The following RPS6KC1 variants were observed in gnomAD, a reference collection of about 807,000 sequenced individuals.
RPS6KC1 encodes ribosomal protein S6 kinase C1.
Under a neutral mutation model 103.8 loss-of-function variants are expected in RPS6KC1, and 54 were observed. That is an observed-to-expected ratio of 0.52 (90% CI 0.42 to 0.65). The LOEUF (loss-of-function observed/expected upper bound fraction) is 0.65. RPS6KC1 is among the 30% of genes least tolerant of loss of function. The pLI is 0.00. For missense variants in RPS6KC1, 1,151 were observed against 1,253.8 expected, an observed-to-expected ratio of 0.92 and a Z score of 1.24; for synonymous variants, 439 against 438.7, an observed-to-expected ratio of 1.00 and a Z score of -0.01.
the RPS6KC1 span, among the ~76,000 whole-genome samples, chr1:213,823,988 T>A: frequency 6.6e-6 from 1 of 152,274 alleles, no homozygotes; most frequent in South Asian, 2.1e-4. Context: ...GGGCAAATAT[T>A]TCTGAGGTTT....
chr1:213,182,350 G>T (rs1424382136), intron 8 of RPS6KC1, among the ~76,000 whole-genome samples: 3 of 152,012 alleles, frequency 2.0e-5, no homozygotes. Context: ...AAATTAACCA[G>T]CATGGTGGTG....
chr1:213,141,823 CT>C (rs796096838), intron 6 of RPS6KC1, among the ~76,000 whole-genome samples: 36 of 144,978 alleles, frequency 2.5e-4, no homozygotes, highest in African/African-American at 3.0e-4. Flanking sequence ...TATGTCGTAT[CT>C]TTTTTTTTTT....
At chr1:213,708,741 T>C in the RPS6KC1 span, among the ~76,000 whole-genome samples, 15 of 152,228 alleles carry the variant, frequency 9.9e-5, no homozygotes, top group Non-Finnish European at 2.1e-4. Context: ...ACCTAGTTTA[T>C]TGAGTATTTT....
At chr1:213,369,375 T>G in the RPS6KC1 span, among the ~76,000 whole-genome samples, 2 of 152,230 alleles carry the variant, frequency 1.3e-5, no homozygotes, top group Admixed American at 6.5e-5. Context: ...GAGTAGGAGA[T>G]GGACACAAGA....
chr1:213,517,025 A>G, the RPS6KC1 span, among the ~76,000 whole-genome samples: 3 of 152,140 alleles, frequency 2.0e-5, no homozygotes, highest in African/African-American at 4.8e-5. Flanking sequence ...AGAGGTGTTT[A>G]TAGTATTCTC....
At chr1:213,469,985 C>G in the RPS6KC1 span, among the ~76,000 whole-genome samples, 1 of 152,188 alleles carries the variant, frequency 6.6e-6, no homozygotes, top group Admixed American at 6.5e-5. Flanking sequence ...TGTGCTCCAA[C>G]CTGGGTGACA....
At chr1:213,147,284 G>A (rs1361643835) in intron 6 of RPS6KC1, among the ~76,000 whole-genome samples, 5 of 152,064 alleles carry the variant, frequency 3.3e-5, no homozygotes, top group African/African-American at 1.2e-4. Context: ...CAATATCCTG[G>A]AGATTTTCCC....
At chr1:213,800,645 A>T in the RPS6KC1 span, among the ~76,000 whole-genome samples, 1 of 152,218 alleles carries the variant, frequency 6.6e-6, no homozygotes, top group South Asian at 2.1e-4. Context: ...TATGACTAAC[A>T]TGAATGAAGA....
intron 5 of RPS6KC1, among the ~76,000 whole-genome samples, chr1:213,121,384 C>G (rs934928440): frequency 6.6e-6 from 1 of 152,062 alleles, no homozygotes; most frequent in Admixed American, 6.6e-5. Flanking sequence ...GGTTTTTAAA[C>G]AAAATATTGT....
At chr1:213,375,831 G>A in the RPS6KC1 span, among the ~76,000 whole-genome samples, 8 of 152,142 alleles carry the variant, frequency 5.3e-5, no homozygotes, top group Non-Finnish European at 8.8e-5. Context: ...CCTCCTCCCC[G>A]CTCTACTTTT....
At chr1:213,856,834 C>T in the RPS6KC1 span, among the ~76,000 whole-genome samples, 2 of 151,986 alleles carry the variant, frequency 1.3e-5, no homozygotes, top group Non-Finnish European at 2.9e-5. Context: ...GGTGAATTCC[C>T]AACTCCAGCA....
chr1:213,548,718 A>C, the RPS6KC1 span, among the ~76,000 whole-genome samples: 2 of 152,188 alleles, frequency 1.3e-5, no homozygotes, highest in Admixed American at 6.5e-5. Context: ...TAATGGAGTA[A>C]GAAGTAGGAT....
At chr1:213,489,197 T>A in the RPS6KC1 span, among the ~76,000 whole-genome samples, 26 of 152,234 alleles carry the variant, frequency 1.7e-4, no homozygotes, top group East Asian at 9.7e-4. Flanking sequence ...GAGGGAGTGA[T>A]CAGACCTGAG....
At chr1:213,165,647 A>T (rs577262635) in intron 6 of RPS6KC1, among the ~76,000 whole-genome samples, 4 of 151,914 alleles carry the variant, frequency 2.6e-5, no homozygotes, top group South Asian at 2.1e-4. Context: ...ATGGTCTCGA[A>T]CTCCTGACCT....
chr1:213,369,592 C>T, the RPS6KC1 span, among the ~76,000 whole-genome samples: 3 of 152,192 alleles, frequency 2.0e-5, no homozygotes, highest in Non-Finnish European at 2.9e-5. Context: ...GCTGAACCTG[C>T]GTGGTGTCAG....
At chr1:213,519,639 C>A in the RPS6KC1 span, among the ~76,000 whole-genome samples, 1 of 152,182 alleles carries the variant, frequency 6.6e-6, no homozygotes, top group South Asian at 2.1e-4. Flanking sequence ...AGAGACCACC[C>A]CTCCCCACAG....
At chr1:213,058,820 A>G (rs1440984787) in intron 1 of RPS6KC1, among the ~76,000 whole-genome samples, 1 of 152,170 alleles carries the variant, frequency 6.6e-6, no homozygotes, top group Non-Finnish European at 1.5e-5. Context: ...TTAGGAGTGC[A>G]TTAAATCTGT....
chr1:213,832,955 T>C, the RPS6KC1 span, among the ~76,000 whole-genome samples: 1 of 151,818 alleles, frequency 6.6e-6, no homozygotes, highest in Non-Finnish European at 1.5e-5. Flanking sequence ...AGAATAGTAA[T>C]GAGAAGTATG....
Position 213,166,498 on chromosome 1 carries a change from G to A in RPS6KC1, c.836-1360G>A, listed in dbSNP as rs78055402. Among the ~76,000 whole-genome samples the A allele has an allele frequency of 3.0e-4, 45 of 152,172 alleles. No individual in the cohort carries two copies. In the East Asian group the frequency reaches 8.7e-3, roughly 29 times the overall value. ...AAGCCCTCTAAAACCTTGCCTTTAG[G>A]ACGTAAGCAGATTGTAAGGGTAGAG... On this transcript the variant is annotated intron_variant, in intron 6 of 14. Coordinates refer to ENST00000366960, the MANE Select transcript of RPS6KC1 (RefSeq NM_012424.6).
Sources: gnomAD v4.1 joint callset for allele counts (sites outside exome capture counted in the v4.1 genomes callset) on GRCh38, gnomAD v4.1.1 for gene constraint, MANE v1.5 for transcripts, NCBI Gene and HGNC (gene_info 2026-07-23, HGNC 2026-07-21) for gene names.